MTHFD2L: variants seen among roughly 807,000 people sequenced by gnomAD.
MTHFD2L encodes the protein methylenetetrahydrofolate dehydrogenase (NADP+ dependent) 2 like.
MTHFD2L carries 29 observed loss-of-function variants against 34.9 expected under a neutral mutation model. The observed-to-expected ratio is 0.83, with a 90% confidence interval of 0.62 to 1.13. MTHFD2L has a LOEUF of 1.13. Among genes scored for constraint, MTHFD2L ranks in the 50% most tolerant of loss-of-function variants. MTHFD2L has a pLI of 0.00. For missense variants in MTHFD2L, 481 were observed against 446.5 expected, an observed-to-expected ratio of 1.08 and a Z score of -0.70; for synonymous variants, 167 against 155.7, an observed-to-expected ratio of 1.07 and a Z score of -0.54.
At chr4:74,247,742 T>A (rs139770684) in intron 6 of MTHFD2L, among the ~76,000 whole-genome samples, 4,382 of 152,314 alleles carry the variant, frequency 0.029, 164 homozygotes, top group African/African-American at 0.083. Flanking sequence ...GATAATCATG[T>A]GGTTTTTGTC....
chr4:74,292,615 G>A (rs569024113), intron 7 of MTHFD2L, among the ~76,000 whole-genome samples: 45 of 152,154 alleles, frequency 3.0e-4, no homozygotes, highest in African/African-American at 1.1e-3. Context: ...TGACAAGAGT[G>A]TATGATGATC....
At chr4:74,172,962 C>T (rs912105737) in intron 1 of MTHFD2L, among the ~76,000 whole-genome samples, 7 of 152,098 alleles carry the variant, frequency 4.6e-5, no homozygotes, top group African/African-American at 1.4e-4. Context: ...TTATAGCACC[C>T]GCCCTCATTA....
intron 1 of MTHFD2L, among the ~76,000 whole-genome samples, chr4:74,170,843 C>T (rs1727789654): frequency 6.6e-6 from 1 of 151,634 alleles, no homozygotes; most frequent in African/African-American, 2.4e-5. Context: ...ATGGATGAAA[C>T]TGGAAACCAT....
intron 5 of MTHFD2L, among the ~76,000 whole-genome samples, chr4:74,202,516 C>A (rs1734614549): frequency 6.6e-6 from 1 of 152,126 alleles, no homozygotes; most frequent in Non-Finnish European, 1.5e-5. Flanking sequence ...AAAGGAAATA[C>A]AGCAAAGGGG....
intron 6 of MTHFD2L, among the ~76,000 whole-genome samples, chr4:74,236,931 A>G (rs1246587): frequency 0.26 from 39,358 of 151,826 alleles, 5,401 homozygotes; most frequent in African/African-American, 0.35. Context: ...CCTTACTTTT[A>G]TGGGATTATA....
chr4:74,249,711 A>T (rs895512593), intron 6 of MTHFD2L, among the ~76,000 whole-genome samples: 5 of 152,108 alleles, frequency 3.3e-5, no homozygotes, highest in African/African-American at 1.2e-4. Flanking sequence ...GCTTGTCTGT[A>T]AAGTATTTTA....
At chr4:74,248,031 AATGG>A (rs1742743749) in intron 6 of MTHFD2L, among the ~76,000 whole-genome samples, 1 of 152,054 alleles carries the variant, frequency 6.6e-6, no homozygotes, top group Non-Finnish European at 1.5e-5. Flanking sequence ...TTTTCTATTG[AATGG>A]AATAGTTTCA....
intron 1 of MTHFD2L, chr4:74,164,856 G>C (rs372457162): frequency 2.1e-6 from 1 of 468,492 alleles, no homozygotes; most frequent in Non-Finnish European, 2.8e-6. Flanking sequence ...GCCACATTTC[G>C]TGGCTAGCCC....
At chr4:74,167,392 G>T (rs1243935346) in intron 1 of MTHFD2L, among the ~76,000 whole-genome samples, 2 of 152,152 alleles carry the variant, frequency 1.3e-5, no homozygotes, top group African/African-American at 4.8e-5. Flanking sequence ...GAACCATTAG[G>T]GAAACCTGGC....
At position 74,277,784 on chromosome 4, in the gene MTHFD2L, G is replaced by C. The variant is rs116142944; in HGVS notation, c.806-3641G>C. Among the ~76,000 whole-genome samples the C allele has an allele frequency of 3.4e-3, 521 of 151,682 alleles. 4 individuals are homozygous for C. Among genetic ancestry groups the C allele is most frequent in the African/African-American group, 0.012 (498 of 41,298 alleles). The stretch of plus-strand genomic sequence containing the variant: ...CTACTATAGTTATTGGGGTTTTCTC[G>C]TTTTGTTTTTAGGTGTATGCATTTG... On this transcript the variant is annotated intron_variant, in intron 6 of 7. Transcript: ENST00000325278.
chr4:74,229,949 A>AT lies in MTHFD2L; in HGVS notation c.805+4564dup, dbSNP rs1018298728. On this transcript the variant is annotated intron_variant, in intron 6 of 7. Transcript: ENST00000325278. ...AGACTACAGCAGGTAAAGGCGTGGTATTTTTTTTTAAGCTTGCTAGGTAAG... is the reference window on the plus strand; with the variant it reads ...AGACTACAGCAGGTAAAGGCGTGGTATTTTTTTTTTAAGCTTGCTAGGTAAG... Among the ~76,000 whole-genome samples, 21 of 151,590 alleles carry AT rather than the reference A, an allele frequency of 1.4e-4. No homozygotes were observed. In the East Asian group the frequency reaches 3.1e-3, roughly 22 times the overall value.
intron 6 of MTHFD2L, among the ~76,000 whole-genome samples, chr4:74,231,506 A>G (rs1740060902): frequency 6.6e-6 from 1 of 151,710 alleles, no homozygotes; most frequent in Non-Finnish European, 1.5e-5. Flanking sequence ...TCCTTTCCAT[A>G]TCTCATTTCT....
At chr4:74,219,273 A>G (rs2110105258) in intron 5 of MTHFD2L, among the ~76,000 whole-genome samples, 1 of 152,202 alleles carries the variant, frequency 6.6e-6, no homozygotes, top group South Asian at 2.1e-4. Flanking sequence ...ATATTATAAA[A>G]CACTAGGCAC....
chr4:74,173,607 A>C (rs1255424948), intron 1 of MTHFD2L, among the ~76,000 whole-genome samples: 1 of 152,182 alleles, frequency 6.6e-6, no homozygotes, highest in African/African-American at 2.4e-5. Flanking sequence ...TGTGCTGGAT[A>C]TGCTAACCAA....
intron 1 of MTHFD2L, among the ~76,000 whole-genome samples, chr4:74,146,396 C>T (rs184062700): frequency 7.2e-5 from 11 of 152,106 alleles, no homozygotes; most frequent in Non-Finnish European, 1.2e-4. Context: ...CATCATATCC[C>T]TTTTAAGAAT....
chr4:74,247,173 TCTC>T, intron 6 of MTHFD2L, among the ~76,000 whole-genome samples: 1 of 151,740 alleles, frequency 6.6e-6, no homozygotes. Flanking sequence ...GGTTTGTAGT[TCTC>T]CTTGAAGGGG....
At chr4:74,137,465 A>T (rs1347428236) in intron 1 of MTHFD2L, among the ~76,000 whole-genome samples, 6 of 152,162 alleles carry the variant, frequency 3.9e-5, no homozygotes, top group Non-Finnish European at 8.8e-5. Context: ...GATAGATAAT[A>T]ACAGATGCCG....
intron 7 of MTHFD2L, among the ~76,000 whole-genome samples, chr4:74,285,423 C>A (rs1442092036): frequency 6.6e-6 from 1 of 152,078 alleles, no homozygotes; most frequent in Non-Finnish European, 1.5e-5. Context: ...TCAAACTATT[C>A]TTTGCAAAAT....
At chr4:74,206,091 C>G (rs546537942) in intron 5 of MTHFD2L, among the ~76,000 whole-genome samples, 4 of 149,246 alleles carry the variant, frequency 2.7e-5, no homozygotes, top group African/African-American at 9.9e-5. Flanking sequence ...TCAACAAGAG[C>G]AAGGCCTGGT....
Sources: gnomAD v4.1 joint callset for allele counts (sites outside exome capture counted in the v4.1 genomes callset) on GRCh38, gnomAD v4.1.1 for gene constraint, MANE v1.5 for transcripts, NCBI Gene and HGNC (gene_info 2026-07-23, HGNC 2026-07-21) for gene names.